Variants in CACNG2 observed in about 807,000 individuals in gnomAD.
The protein encoded by CACNG2 is calcium voltage-gated channel auxiliary subunit gamma 2.
A neutral mutation model predicts 25.9 loss-of-function variants in CACNG2; 3 were observed. That is an observed-to-expected ratio of 0.12 (90% CI 0.05 to 0.30). The LOEUF (loss-of-function observed/expected upper bound fraction) is 0.30, where lower values mean the gene tolerates loss of function less well. Among genes scored for constraint, CACNG2 ranks in the 10% least tolerant of loss-of-function variants. The pLI is 1.00. For synonymous variants in CACNG2, 167 were observed against 173.3 expected, an observed-to-expected ratio of 0.96 and a Z score of 0.29; for missense variants, 341 against 432.5, an observed-to-expected ratio of 0.79 and a Z score of 1.88.
intron 2 of CACNG2, among the ~76,000 whole-genome samples, chr22:36,580,621 C>T (rs1029498567): frequency 3.3e-5 from 5 of 152,154 alleles, no homozygotes; most frequent in African/African-American, 1.2e-4. Context: ...CCCTCACCCA[C>T]ACCTCCAGCC....
chr22:36,571,344 C>A (rs1305483701), intron 2 of CACNG2, among the ~76,000 whole-genome samples: 1 of 152,100 alleles, frequency 6.6e-6, no homozygotes, highest in Admixed American at 6.5e-5. Context: ...GTAATCTCAG[C>A]TACTTGGGAG....
rs149028841 is a variant in CACNG2 at position 36,606,837 on chromosome 22, CTGTG to C, written c.212-19293_212-19290del. ...GTGTGATGTGTGTGTCTGTGGGTCT[CTGTG>C]TGTGTGTATGTATGTGTACGTGTGT... is the stretch of plus-strand genomic sequence containing the variant. On this transcript the variant is annotated intron_variant, in intron 1 of 3. Transcript: ENST00000300105. The surrounding 1 kb of genome is among the most constrained non-coding windows in gnomAD (Gnocchi z 5.7). Among the ~76,000 whole-genome samples the C allele has an allele frequency of 9.1e-3, 1,355 of 148,322 alleles. 15 individuals are homozygous for C. Among genetic ancestry groups the C allele is most frequent in the African/African-American group, 0.032 (1,297 of 40,056 alleles).
chr22:36,693,848 A>C (rs1266045381), intron 1 of CACNG2, among the ~76,000 whole-genome samples: 2 of 152,214 alleles, frequency 1.3e-5, no homozygotes, highest in Admixed American at 6.5e-5. Flanking sequence ...CTGTGCTCCC[A>C]GAATCCCCTG....
chr22:36,691,344 T>A (rs935845056), intron 1 of CACNG2, among the ~76,000 whole-genome samples: 6 of 152,130 alleles, frequency 3.9e-5, no homozygotes, highest in African/African-American at 1.4e-4. Context: ...CTTCCGCACC[T>A]TCACAAACTG....
chr22:36,698,381 C>T (rs374180317), intron 1 of CACNG2, among the ~76,000 whole-genome samples: 3 of 152,184 alleles, frequency 2.0e-5, no homozygotes, highest in Admixed American at 1.3e-4. Context: ...AGTGTGAAGG[C>T]CTGTTAGTAC....
intron 1 of CACNG2, among the ~76,000 whole-genome samples, chr22:36,596,216 C>T (rs560839255): frequency 6.6e-6 from 1 of 152,294 alleles, no homozygotes; most frequent in South Asian, 2.1e-4. Flanking sequence ...GTGGGAGCTG[C>T]TTTCTCTGTG....
chr22:36,602,356 G>A (rs569716867), intron 1 of CACNG2, among the ~76,000 whole-genome samples: 14 of 151,738 alleles, frequency 9.2e-5, no homozygotes, highest in Non-Finnish European at 1.0e-4. Flanking sequence ...TCTTTTATAT[G>A]TATTTATTAT....
chr22:36,569,011 T>C (rs899382825), intron 2 of CACNG2, among the ~76,000 whole-genome samples: 1 of 151,922 alleles, frequency 6.6e-6, no homozygotes, highest in African/African-American at 2.4e-5. Context: ...ACACGCTGTA[T>C]CCCTAACCTG....
chr22:36,697,411 C>G (rs1937354434), intron 1 of CACNG2, among the ~76,000 whole-genome samples: 1 of 152,172 alleles, frequency 6.6e-6, no homozygotes, highest in African/African-American at 2.4e-5. Context: ...TGGCTTGGGT[C>G]TACTGCCCAG....
intron 1 of CACNG2, among the ~76,000 whole-genome samples, chr22:36,588,114 C>T (rs974604185): frequency 2.0e-5 from 3 of 152,142 alleles, no homozygotes; most frequent in East Asian, 3.8e-4. Context: ...GGAAGTTGAG[C>T]CCCCTGGGGG....
chr22:36,655,470 T>C (rs1936688644), intron 1 of CACNG2, among the ~76,000 whole-genome samples: 1 of 152,242 alleles, frequency 6.6e-6, no homozygotes, highest in African/African-American at 2.4e-5. Context: ...AATTTGTTAG[T>C]TTACATGTTT....
At chr22:36,590,351 G>C in intron 1 of CACNG2, among the ~76,000 whole-genome samples, 1 of 152,160 alleles carries the variant, frequency 6.6e-6, no homozygotes, top group East Asian at 1.9e-4. Context: ...TCTCCTGGTG[G>C]ATGTTTTAAA....
At chr22:36,640,580 C>A (rs1015878546) in intron 1 of CACNG2, among the ~76,000 whole-genome samples, 1 of 152,200 alleles carries the variant, frequency 6.6e-6, no homozygotes, top group Non-Finnish European at 1.5e-5. Context: ...ATCTCGGTTT[C>A]CTCACCTGCA....
rs999178873 is a variant in CACNG2, at chr22:36,563,366, C to T, written c.*985G>A. ...GGAGGGAGAGCTGTTTCATGTCCCC[C>T]GGGGGGGGGGGTGGCATCTCCTGAC... is the stretch of plus-strand genomic sequence containing the variant. On this transcript the variant is annotated 3_prime_UTR_variant, in exon 4 of 4. Coordinates refer to ENST00000300105, the MANE Select transcript of CACNG2 (RefSeq NM_006078.5). Among the ~76,000 whole-genome samples, 5 of 148,032 alleles carry T rather than the reference C, an allele frequency of 3.4e-5. No individual in the cohort carries two copies. The highest frequency in any genetic ancestry group is 2.1e-4 in the East Asian group (1 of 4,802).
intron 1 of CACNG2, among the ~76,000 whole-genome samples, chr22:36,692,444 T>C (rs561695615): frequency 1.4e-4 from 21 of 152,290 alleles, no homozygotes; most frequent in African/African-American, 4.8e-4. Flanking sequence ...AGATGACTGC[T>C]TCCCAGCAGG....
At position 36,564,182 on chromosome 22, in the gene CACNG2, TC is replaced by T; in HGVS notation, c.*168del. ...TTTAAAATTTACTTGTTATGTTTTT[TC>T]TCTTTTTTTGTGTGTGTGTGTTTTT... On this transcript the variant is annotated 3_prime_UTR_variant, in exon 4 of 4. Transcript: ENST00000300105. This position sits in a 1 kb window ranked among gnomAD's most constrained non-coding sequence, Gnocchi z 6.7. 2 of 535,950 alleles carry T rather than the reference TC, an allele frequency of 3.7e-6. No individual in the cohort carries two copies. The highest frequency in any genetic ancestry group is 6.3e-6 in the Non-Finnish European group (2 of 316,512). The allele number at this position is 535,950 out of a possible 1,614,324, so 33.2% of individuals were successfully genotyped here.
chr22:36,690,104 G>C (rs958930017), intron 1 of CACNG2, among the ~76,000 whole-genome samples: 1 of 152,232 alleles, frequency 6.6e-6, no homozygotes, highest in African/African-American at 2.4e-5. Flanking sequence ...GTCTTCAGCT[G>C]TCAAAAGACA....
intron 2 of CACNG2, among the ~76,000 whole-genome samples, chr22:36,580,636 G>C (rs1477546411): frequency 6.6e-6 from 1 of 152,118 alleles, no homozygotes; most frequent in Non-Finnish European, 1.5e-5. Context: ...CCAGCCCCAG[G>C]CTCTGAGTAT....
chr22:36,633,182 G>A (rs1936302334), intron 1 of CACNG2, among the ~76,000 whole-genome samples: 2 of 151,908 alleles, frequency 1.3e-5, no homozygotes, highest in African/African-American at 2.4e-5. Flanking sequence ...TTCAAAGCAC[G>A]CATCAACACC....
Sources: allele counts gnomAD v4.1 joint callset (sites outside exome capture counted in the v4.1 genomes callset), GRCh38; gene constraint gnomAD v4.1.1; non-coding constraint Gnocchi (gnomAD v3.1); transcripts MANE v1.5; gene names NCBI Gene and HGNC (gene_info 2026-07-23, HGNC 2026-07-21).